The following RSPO4 variants were observed in gnomAD, a reference collection of about 807,000 sequenced individuals.
RSPO4 encodes the protein R-spondin-4.
In RSPO4, 23 loss-of-function variants were observed where a neutral mutation model predicts 24.8. That is an observed-to-expected ratio of 0.93 (90% CI 0.67 to 1.31). The LOEUF is 1.31. Ranked by LOEUF, RSPO4 falls within the 40% of genes most tolerant of loss-of-function variation. The pLI, the probability that RSPO4 is intolerant of heterozygous loss-of-function variation, is 0.00. For missense variants in RSPO4, 333 were observed against 316.5 expected (o/e 1.05, Z -0.39); for synonymous variants, 141 against 127.4 (o/e 1.11, Z -0.72).
chr20:991,829 A>G (rs1985111971), intron 1 of RSPO4, among the ~76,000 whole-genome samples: 1 of 152,344 alleles, frequency 6.6e-6, no homozygotes, highest in Non-Finnish European at 1.5e-5. Context: ...AGAATACATG[A>G]AAGAATTTTT....
rs766852502 is a variant in RSPO4 at position 969,752 on chromosome 20, AGGAGGTGGG to A, written c.80-1623_80-1615del. On this transcript the variant is annotated intron_variant, in intron 1 of 4. Coordinates refer to ENST00000217260, the MANE Select transcript of RSPO4 (RefSeq NM_001029871.4). ...GGCAGCAGGGGAGACCACTGGGAGT[AGGAGGTGGG>A]GGAGAGTCAGAAAATGACCAGGTGT... is the stretch of plus-strand genomic sequence containing the variant. 2.3e-3 allele frequency among the ~76,000 whole-genome samples: 352 copies of A among 152,258 alleles called. 2 individuals are homozygous for A. Among genetic ancestry groups the A allele is most frequent in the Middle Eastern group, 3.4e-3 (1 of 294 alleles).
Position 1,002,185 on chromosome 20 carries a change from T to C in RSPO4, c.-21A>G. ...CGCATCTGGGCAGCCGGATCCGGGC[T>C]GGCGCTCCCCAGGCGGCCCGACGGC... On this transcript the variant is annotated 5_prime_UTR_variant, in exon 1 of 5. Coordinates refer to ENST00000217260, the MANE Select transcript of RSPO4 (RefSeq NM_001029871.4). This position sits in a 1 kb window ranked among gnomAD's most constrained non-coding sequence, Gnocchi z 4.6. The C allele has an allele frequency of 6.6e-7, 1 of 1,515,336 alleles. No homozygotes were observed. The highest frequency in any genetic ancestry group is 2.0e-5 in the Admixed American group (1 of 49,106). 93.9% of individuals were successfully genotyped at this position (1,515,336 alleles called of 1,614,324 possible).
chr20:971,371 C>G (rs1397417977), intron 1 of RSPO4, among the ~76,000 whole-genome samples: 1 of 152,224 alleles, frequency 6.6e-6, no homozygotes, highest in Non-Finnish European at 1.5e-5. Flanking sequence ...AAACACTGAC[C>G]TAGAGAAACC....
chr20:989,513 A>C (rs899460733), intron 1 of RSPO4, among the ~76,000 whole-genome samples: 1 of 152,170 alleles, frequency 6.6e-6, no homozygotes, highest in Non-Finnish European at 1.5e-5. Flanking sequence ...GTGCTCAATA[A>C]ATGGTAGGAT....
chr20:969,290 A>T (rs1333776900), intron 1 of RSPO4, among the ~76,000 whole-genome samples: 1 of 152,224 alleles, frequency 6.6e-6, no homozygotes, highest in Non-Finnish European at 1.5e-5. Context: ...AGTCGGAGAG[A>T]CAGAGTGAAG....
chr20:990,574 C>T (rs2122261536), intron 1 of RSPO4, among the ~76,000 whole-genome samples: 1 of 150,774 alleles, frequency 6.6e-6, no homozygotes, highest in African/African-American at 2.5e-5. Context: ...CTCTCTCTCT[C>T]TTTCCCTCTC....
At chr20:967,882 G>T in intron 2 of RSPO4, 68 bp downstream of exon 2, 1 of 1,427,100 alleles carries the variant, frequency 7.0e-7, no homozygotes, top group Non-Finnish European at 9.9e-7. Context: ...TGGGGTGAAA[G>T]GGTGGGATCT....
chr20:967,347 G>A (rs757377137), intron 2 of RSPO4, 33 bp from the exon 3 acceptor site: 3 of 1,612,664 alleles, frequency 1.9e-6, no homozygotes, highest in South Asian at 1.1e-5. Context: ...CCAGGTGAGG[G>A]AGACTGCCAA....
chr20:988,774 C>T (rs1384571570), intron 1 of RSPO4, among the ~76,000 whole-genome samples: 1 of 152,064 alleles, frequency 6.6e-6, no homozygotes, highest in Non-Finnish European at 1.5e-5. Context: ...TGGTCTTGAA[C>T]TCCTGACCTC....
Position 960,459 on chromosome 20 carries a change from G to A in RSPO4, c.603C>T (p.Ser201=), listed in dbSNP as rs1394701878. Residue 201 remains serine (S), a synonymous_variant, in exon 5 of 5, where the codon AGC becomes AGT. Transcript: ENST00000217260. ...PIQRPCPGER[S]PGQKKGRKDR... ...CCTTCCTGCCCTTCTTCTGGCCGGG[G>A]CTCCTCTCTGCAATGAGAGGACAGA... is the stretch of plus-strand genomic sequence containing the variant. 1.3e-6 allele frequency: 2 copies of A among 1,538,704 alleles called. No homozygotes were observed. The highest frequency in any genetic ancestry group is 2.4e-5 in the South Asian group (2 of 84,070).
intron 3 of RSPO4, among the ~76,000 whole-genome samples, chr20:966,122 C>G (rs1209654465): frequency 2.0e-5 from 3 of 152,096 alleles, no homozygotes; most frequent in Admixed American, 2.0e-4. Context: ...AGGTGAGGAT[C>G]AGCTGCTCAG....
chr20:1,001,640 G>C (rs1231766204), intron 1 of RSPO4, among the ~76,000 whole-genome samples: 1 of 152,202 alleles, frequency 6.6e-6, no homozygotes, highest in African/African-American at 2.4e-5. Context: ...GTCAGGGTGA[G>C]TGATGAGGCT....
intron 1 of RSPO4, among the ~76,000 whole-genome samples, chr20:994,579 C>T (rs1026036152): frequency 2.6e-5 from 4 of 152,120 alleles, no homozygotes; most frequent in African/African-American, 9.6e-5. Flanking sequence ...TTTTTTTAGA[C>T]GAAGTCTTGT....
At chr20:990,912 G>A (rs1054771290) in intron 1 of RSPO4, among the ~76,000 whole-genome samples, 1 of 152,248 alleles carries the variant, frequency 6.6e-6, no homozygotes, top group Admixed American at 6.5e-5. Context: ...CGTGCCAACT[G>A]CAGGCTGTGA....
chr20:972,884 C>T (rs992210228), intron 1 of RSPO4, among the ~76,000 whole-genome samples: 9 of 152,222 alleles, frequency 5.9e-5, no homozygotes, highest in African/African-American at 2.2e-4. Context: ...TTGTGGTGAT[C>T]TTTATCACCT....
intron 3 of RSPO4, among the ~76,000 whole-genome samples, chr20:966,485 G>C (rs558207334): frequency 2.6e-5 from 4 of 152,014 alleles, no homozygotes; most frequent in Admixed American, 1.3e-4. Context: ...GAAACCGAAG[G>C]ACAGAGAGCT....
intron 1 of RSPO4, among the ~76,000 whole-genome samples, chr20:983,124 T>C (rs1043440561): frequency 6.6e-6 from 1 of 152,218 alleles, no homozygotes; most frequent in African/African-American, 2.4e-5. Context: ...TTTTGAAGTT[T>C]GTTCTGCAAA....
chr20:970,232 A>G lies in RSPO4; in HGVS notation c.80-2094T>C, dbSNP rs189060496. 2.8e-4 allele frequency among the ~76,000 whole-genome samples: 43 copies of G among 152,244 alleles called. No homozygotes were observed. The highest frequency in any genetic ancestry group is 2.7e-3 in the South Asian group (13 of 4,818). On this transcript the variant is annotated intron_variant, in intron 1 of 4. Coordinates refer to ENST00000217260, the MANE Select transcript of RSPO4 (RefSeq NM_001029871.4). The surrounding 1 kb of genome is among the most constrained non-coding windows in gnomAD (Gnocchi z 4.1). ...TGGAGGCAGGGCAGGCTCTCTGCCC[A>G]GCCCTGGCTGAGGCCTTTCTCTCTC...
At chr20:967,923 G>A in intron 2 of RSPO4, 27 bp downstream of exon 2, 1 of 1,608,684 alleles carries the variant, frequency 6.2e-7, no homozygotes, top group African/African-American at 1.3e-5. Flanking sequence ...CCCAGCACTA[G>A]CATAGAACAA....
Sources: gnomAD v4.1 joint callset for allele counts (sites outside exome capture counted in the v4.1 genomes callset) on GRCh38, gnomAD v4.1.1 for gene constraint, Gnocchi (gnomAD v3.1) non-coding constraint, MANE v1.5 for transcripts, NCBI Gene and HGNC (gene_info 2026-07-23, HGNC 2026-07-21) for gene names.